ARNT: variants seen among roughly 807,000 people sequenced by gnomAD.
ARNT encodes the protein class E basic helix-loop-helix protein 2.
Under a neutral mutation model 105.0 loss-of-function variants are expected in ARNT, and 30 were observed. The observed-to-expected ratio is 0.29, with a 90% CI of 0.21 to 0.39. The LOEUF (loss-of-function observed/expected upper bound fraction) is 0.39, where lower values mean the gene tolerates loss of function less well. Among genes scored for constraint, ARNT ranks in the 10% least tolerant of loss-of-function variants. The pLI is 1.00. For synonymous variants in ARNT, 304 were observed against 344.0 expected (o/e 0.88, Z 1.29); for missense variants, 748 against 978.7 (o/e 0.76, Z 3.15).
At chr1:150,846,423 G>T in intron 3 of ARNT, 116 bp from the exon 4 acceptor site, 30 of 948,904 alleles carry the variant, frequency 3.2e-5, no homozygotes, top group Non-Finnish European at 4.8e-5. Context: ...CAATGGAAAA[G>T]CATCACAAAG....
rs202163951 is a variant in ARNT at position 150,852,746 on chromosome 1, T to A, written c.182+16A>T. ...TTTAATATCAGACATCTAAGGAAAG[T>A]TTTTCAGTCTCTTACCTCAAAAATT... On this transcript the variant is annotated intron_variant, in intron 3 of 21. Transcript: ENST00000358595. The A allele has an allele frequency of 6.2e-6, 10 of 1,605,328 alleles. No homozygotes were observed. The African/African-American group carries it at 9.4e-5, about 15-fold the overall frequency.
chr1:150,828,570 T>G (rs1261591311), intron 12 of ARNT, among the ~76,000 whole-genome samples: 2 of 152,166 alleles, frequency 1.3e-5, no homozygotes, highest in Non-Finnish European at 2.9e-5. Context: ...GTGTAAATTC[T>G]CTTTGTTCTT....
At chr1:150,869,144 A>T (rs1460039375) in intron 1 of ARNT, among the ~76,000 whole-genome samples, 6 of 152,114 alleles carry the variant, frequency 3.9e-5, no homozygotes, top group Non-Finnish European at 8.8e-5. Context: ...AACCCTTAAA[A>T]GTATTTAAAG....
chr1:150,819,713 A>G (rs1406471988), intron 14 of ARNT, among the ~76,000 whole-genome samples: 1 of 152,234 alleles, frequency 6.6e-6, no homozygotes, highest in African/African-American at 2.4e-5. Flanking sequence ...CGAAAAGTCT[A>G]GAATAGACAA....
chr1:150,855,369 A>G lies in ARNT; in HGVS notation c.138-2563T>C, dbSNP rs182557230. On this transcript the variant is annotated intron_variant, in intron 2 of 21. Transcript: ENST00000358595. The stretch of plus-strand genomic sequence containing the variant: ...GGAGATGGAGACCATCCTGGCTAAT[A>G]TGGTAAAACCCCGTCTCTACTAAAA... 1.3e-3 allele frequency among the ~76,000 whole-genome samples: 199 copies of G among 151,748 alleles called. 1 individual carries two copies. Among genetic ancestry groups the G allele is most frequent in the African/African-American group, 4.6e-3 (190 of 41,392 alleles).
chr1:150,825,742 G>A (rs1456073599), intron 13 of ARNT, among the ~76,000 whole-genome samples: 4 of 151,642 alleles, frequency 2.6e-5, no homozygotes, highest in East Asian at 1.9e-4. Context: ...CCAGCTACTC[G>A]GGGGGCTGAA....
rs368301723 is a variant in ARNT, at chr1:150,826,635, G to A, written c.1168-18C>T. 4 of 1,569,610 alleles carry A rather than the reference G, an allele frequency of 2.5e-6. No homozygotes were observed. Among genetic ancestry groups the A allele is most frequent in the Non-Finnish European group, 3.5e-6 (4 of 1,144,258 alleles). ...AAGAGTTCCTAGAATACAGAAAGAA[G>A]AGTAAGATATATACTTTTTTTTTTT... On this transcript the variant is annotated intron_variant, in intron 12 of 21. Transcript: ENST00000358595.
At chr1:150,846,801 A>AC (rs1662297815) in intron 3 of ARNT, among the ~76,000 whole-genome samples, 1 of 151,970 alleles carries the variant, frequency 6.6e-6, no homozygotes, top group Non-Finnish European at 1.5e-5. Context: ...CCTAGCAACC[A>AC]CCATTTTACT....
chr1:150,851,191 G>A (rs1314136117), intron 3 of ARNT, among the ~76,000 whole-genome samples: 2 of 148,074 alleles, frequency 1.4e-5, no homozygotes, highest in African/African-American at 5.0e-5. Flanking sequence ...GTCCAGGAGA[G>A]AGGCGGGGGC....
Position 150,817,909 on chromosome 1 carries a change from C to G in ARNT, c.1505+11G>C. The G allele has an allele frequency of 1.3e-6, 2 of 1,596,282 alleles. No homozygotes were observed. The highest frequency in any genetic ancestry group is 1.7e-6 in the Non-Finnish European group (2 of 1,166,722). On this transcript the variant is annotated intron_variant, in intron 15 of 21. Coordinates refer to ENST00000358595, the MANE Select transcript of ARNT (RefSeq NM_001668.4). ...GACTGCTCAACAGATGATTATTTCA[C>G]CCTTTTTTACCTGGGTGCCAGCTGT...
intron 15 of ARNT, 96 bp from the exon 16 acceptor site, chr1:150,817,529 C>A: frequency 8.3e-7 from 1 of 1,205,070 alleles, no homozygotes; most frequent in Non-Finnish European, 1.2e-6. Flanking sequence ...TTAAACAGGC[C>A]GGGCATGGTG....
At chr1:150,871,907 CAAA>C (rs776523588) in intron 1 of ARNT, among the ~76,000 whole-genome samples, 8 of 40,082 alleles carry the variant, frequency 2.0e-4, no homozygotes, top group African/African-American at 3.4e-4. Flanking sequence ...GACCCTGTCT[CAAA>C]AAAAAAAAAA....
At chr1:150,856,988 TTAATA>T (rs1436878602) in intron 2 of ARNT, among the ~76,000 whole-genome samples, 2 of 150,758 alleles carry the variant, frequency 1.3e-5, no homozygotes, top group Middle Eastern at 3.4e-3. Flanking sequence ...AAGACTTCCT[TTAATA>T]TATTTTTCTG....
At chr1:150,813,527 C>T (rs1655175107) in intron 20 of ARNT, among the ~76,000 whole-genome samples, 189 bp from the exon 21 acceptor site, 2 of 152,136 alleles carry the variant, frequency 1.3e-5, no homozygotes, top group Non-Finnish European at 2.9e-5. Flanking sequence ...TCCAGGCAGC[C>T]TTTCCATAGA....
chr1:150,810,330 T>C lies in ARNT; in HGVS notation c.*1691A>G, dbSNP rs1654505726. On this transcript the variant is annotated 3_prime_UTR_variant, in exon 22 of 22. Transcript: ENST00000358595. ...GTACAATATTATAGTCCTGATCACA[T>C]TTAAAAAGTCGATTATTAAAAAACA... 1 of 230,256 alleles carries C rather than the reference T, an allele frequency of 4.3e-6. No individual in the cohort carries two copies. The highest frequency in any genetic ancestry group is 8.6e-6 in the Non-Finnish European group (1 of 115,918). The allele number at this position is 230,256 out of a possible 1,614,324, so 14.3% of individuals were successfully genotyped here.
chr1:150,842,013 G>A (rs923537382), intron 5 of ARNT, among the ~76,000 whole-genome samples: 2 of 152,142 alleles, frequency 1.3e-5, no homozygotes, highest in African/African-American at 4.8e-5. Flanking sequence ...TAGAGGTGTG[G>A]AGTAAATGCT....
At chr1:150,856,305 T>C (rs1156949564) in intron 2 of ARNT, among the ~76,000 whole-genome samples, 1 of 151,986 alleles carries the variant, frequency 6.6e-6, no homozygotes, top group Admixed American at 6.6e-5. Context: ...TCGGGCATCA[T>C]GGCGGGCGCC....
At chr1:150,860,215 A>AAATTTT (rs1221352608) in intron 1 of ARNT, among the ~76,000 whole-genome samples, 1 of 65,520 alleles carries the variant, frequency 1.5e-5, no homozygotes. Context: ...AAAAAAAAAA[A>AAATTTT]TTCTTTTTTT....
chr1:150,860,427 G>T (rs1665419742), intron 1 of ARNT, among the ~76,000 whole-genome samples: 1 of 150,686 alleles, frequency 6.6e-6, no homozygotes, highest in African/African-American at 2.4e-5. Context: ...TGTTGGCCAG[G>T]CTGGTCTTTA....
Sources: allele counts gnomAD v4.1 joint callset (sites outside exome capture counted in the v4.1 genomes callset), GRCh38; gene constraint gnomAD v4.1.1; transcripts MANE v1.5; gene names NCBI Gene and HGNC (gene_info 2026-07-23, HGNC 2026-07-21).